Variants in TTC13 observed in about 807,000 individuals in gnomAD.
TTC13 encodes the protein tetratricopeptide repeat protein 13.
In TTC13, 62 loss-of-function variants were observed where a neutral mutation model predicts 120.0. The observed-to-expected ratio is 0.52, with a 90% CI of 0.42 to 0.64. The LOEUF is 0.64. Ranked by LOEUF, TTC13 falls within the 30% of genes least tolerant of loss-of-function variation. The pLI is 0.00. For missense variants in TTC13, 824 were observed against 1,050.2 expected (o/e 0.78, Z 2.98); for synonymous variants, 384 against 393.5 (o/e 0.98, Z 0.28).
intron 9 of TTC13, 93 bp from the exon 10 acceptor site, chr1:230,931,970 C>T: frequency 8.0e-7 from 1 of 1,250,772 alleles, no homozygotes; most frequent in South Asian, 1.4e-5. Context: ...AATATGTAAA[C>T]AAGATACCTT....
intron 1 of TTC13, among the ~76,000 whole-genome samples, chr1:230,963,635 AAAATAAATAAATAAATAAATAAAT>A (rs145205225): frequency 7.5e-5 from 11 of 146,190 alleles, no homozygotes; most frequent in African/African-American, 2.8e-4. Context: ...ACCCTGTCTC[AAAATAAATAAATAAATAAATAAAT>A]AAATAAATAA....
chr1:230,941,341 G>C (rs1220792356), intron 6 of TTC13, among the ~76,000 whole-genome samples: 1 of 152,178 alleles, frequency 6.6e-6, no homozygotes, highest in African/African-American at 2.4e-5. Context: ...TGTCACCCAA[G>C]CTGGAATGTA....
At chr1:230,924,792 T>C in intron 14 of TTC13, 49 bp downstream of exon 14, 1 of 1,609,118 alleles carries the variant, frequency 6.2e-7, no homozygotes, top group East Asian at 2.2e-5. Flanking sequence ...ACTGACGTTA[T>C]TTGACAATGA....
At chr1:230,933,277 T>C (rs959412555) in intron 9 of TTC13, among the ~76,000 whole-genome samples, 1 of 147,340 alleles carries the variant, frequency 6.8e-6, no homozygotes, top group African/African-American at 2.5e-5. Context: ...CCGGCTTACT[T>C]TTTTTTTTTT....
chr1:230,969,094 C>T (rs11122170), intron 1 of TTC13, among the ~76,000 whole-genome samples: 15,124 of 152,042 alleles, frequency 0.099, 765 homozygotes, highest in Middle Eastern at 0.2. Context: ...AACCCCGTCT[C>T]TACTAAAAAT....
At chr1:230,975,310 G>C (rs566190407) in intron 1 of TTC13, among the ~76,000 whole-genome samples, 1 of 152,226 alleles carries the variant, frequency 6.6e-6, no homozygotes, top group East Asian at 1.9e-4. Flanking sequence ...GGAATTTAAG[G>C]CTGCAGTGAG....
At position 230,921,512 on chromosome 1, in the gene TTC13, G is replaced by A; in HGVS notation, c.1815-8C>T. The A allele has an allele frequency of 2.9e-6, 4 of 1,381,922 alleles. No homozygotes were observed. The highest frequency in any genetic ancestry group is 1.4e-5 in the South Asian group (1 of 72,870). 85.6% of individuals were successfully genotyped at this position (1,381,922 alleles called of 1,614,324 possible). ...ATGTTGATCACCTGACCCCTATAAG[G>A]CAAAAATAATAAAATTAAGAATATT... On this transcript the variant is annotated splice_polypyrimidine_tract_variant and splice_region_variant and intron_variant, in intron 15 of 22. Coordinates refer to ENST00000366661, the MANE Select transcript of TTC13 (RefSeq NM_024525.5).
At position 230,908,929 on chromosome 1, in the gene TTC13, C is replaced by G. The variant is rs193154335; in HGVS notation, c.2388+13G>C. On this transcript the variant is annotated intron_variant, in intron 21 of 22. Coordinates refer to ENST00000366661, the MANE Select transcript of TTC13 (RefSeq NM_024525.5). ...ACATAACCAAGCATTTCTCCCTTCC[C>G]GCTCCAACATACCTTCCCTTTGGGA... 1.2e-6 allele frequency: 2 copies of G among 1,613,998 alleles called. No individual in the cohort carries two copies. Among genetic ancestry groups the G allele is most frequent in the Admixed American group, 3.3e-5 (2 of 60,020 alleles).
At chr1:230,939,565 T>C (rs2102872883) in intron 7 of TTC13, 69 bp from the exon 8 acceptor site, 2 of 1,109,940 alleles carry the variant, frequency 1.8e-6, no homozygotes, top group Middle Eastern at 2.1e-4. Flanking sequence ...TCCTAATTTT[T>C]GGCTGGTAGA....
chr1:230,964,599 T>G (rs760207567), intron 1 of TTC13, among the ~76,000 whole-genome samples: 52 of 152,240 alleles, frequency 3.4e-4, no homozygotes, highest in Non-Finnish European at 5.6e-4. Flanking sequence ...TAATTATCTA[T>G]TTTCCAAATG....
chr1:230,978,499 G>GGT lies in TTC13; in HGVS notation c.271+60_271+61insAC. On this transcript the variant is annotated intron_variant, in intron 1 of 22. Transcript: ENST00000366661. This position sits in a 1 kb window ranked among gnomAD's most constrained non-coding sequence, Gnocchi z 5.6. ...CCGGGCGACCCGTACCCCGGCCCGG[G>GGT]ACCCCAGCCCCGCTGCCCCGCCGCC... The GGT allele has an allele frequency of 4.1e-6, 2 of 483,058 alleles. No homozygotes were observed. The highest frequency in any genetic ancestry group is 8.0e-5 in the East Asian group (2 of 25,026). The allele number at this position is 483,058 out of a possible 1,614,324, so 29.9% of individuals were successfully genotyped here.
intron 14 of TTC13, 83 bp from the exon 15 acceptor site, chr1:230,924,016 G>T: frequency 2.8e-6 from 3 of 1,052,806 alleles, no homozygotes; most frequent in Non-Finnish European, 2.8e-6. Context: ...CAAAGGTGGG[G>T]ATAAAGCAAC....
chr1:230,918,532 G>T (rs1040863596), intron 17 of TTC13, among the ~76,000 whole-genome samples: 4 of 152,170 alleles, frequency 2.6e-5, no homozygotes, highest in Non-Finnish European at 5.9e-5. Flanking sequence ...CATATTCTCT[G>T]TGAAGTTCAT....
At chr1:230,951,451 T>C (rs1261582669) in intron 4 of TTC13, among the ~76,000 whole-genome samples, 2 of 152,164 alleles carry the variant, frequency 1.3e-5, no homozygotes, top group Non-Finnish European at 2.9e-5. Context: ...GCTACCACTT[T>C]GTAGATTTGT....
chr1:230,939,753 T>A (rs913895671), intron 7 of TTC13, among the ~76,000 whole-genome samples: 22 of 152,342 alleles, frequency 1.4e-4, no homozygotes, highest in African/African-American at 4.6e-4. Context: ...TACAAAAAAA[T>A]TTATCTCAAA....
At chr1:230,938,458 G>A (rs1275048476) in intron 8 of TTC13, among the ~76,000 whole-genome samples, 2 of 152,184 alleles carry the variant, frequency 1.3e-5, no homozygotes, top group Non-Finnish European at 2.9e-5. Context: ...CGAGTGCCCA[G>A]GCAGGAGGAA....
At chr1:230,933,061 C>G (rs1257242573) in intron 9 of TTC13, among the ~76,000 whole-genome samples, 5 of 152,170 alleles carry the variant, frequency 3.3e-5, no homozygotes, top group Non-Finnish European at 7.3e-5. Context: ...CAACCTCTGA[C>G]TCCCGGGTTC....
At chr1:230,923,763 G>C in intron 15 of TTC13, 78 bp downstream of exon 15, 1 of 1,187,212 alleles carries the variant, frequency 8.4e-7, no homozygotes, top group Non-Finnish European at 1.2e-6. Flanking sequence ...GGAGCAATGG[G>C]TCACTCCTGG....
chr1:230,936,162 T>C (rs886104937), intron 8 of TTC13: 7 of 456,016 alleles, frequency 1.5e-5, no homozygotes, highest in Non-Finnish European at 2.6e-5. Flanking sequence ...ACTTACAGCA[T>C]GCTTGGACGC....
Sources: gnomAD v4.1 joint callset for allele counts (sites outside exome capture counted in the v4.1 genomes callset) on GRCh38, gnomAD v4.1.1 for gene constraint, Gnocchi (gnomAD v3.1) non-coding constraint, MANE v1.5 for transcripts, NCBI Gene and HGNC (gene_info 2026-07-23, HGNC 2026-07-21) for gene names.